Variants in ZSCAN26 observed in about 807,000 individuals in gnomAD.
The protein encoded by ZSCAN26 is zinc finger and SCAN domain-containing protein 26.
Under a neutral mutation model 23.0 loss-of-function variants are expected in ZSCAN26, and 26 were observed. That is an observed-to-expected ratio of 1.13 (90% CI 0.83 to 1.57). The LOEUF is 1.57. Among genes scored for constraint, ZSCAN26 ranks in the 40% most tolerant of loss-of-function variants. The probability of loss-of-function intolerance (pLI) is 0.00; values close to 1 mark genes in which losing one functional copy is unlikely to be tolerated. For missense variants in ZSCAN26, 528 were observed against 568.5 expected, an observed-to-expected ratio of 0.93 and a Z score of 0.72; for synonymous variants, 180 against 202.5, an observed-to-expected ratio of 0.89 and a Z score of 0.94.
intron 3 of ZSCAN26, among the ~76,000 whole-genome samples, chr6:28,274,651 G>A (rs532020812): frequency 6.6e-6 from 1 of 152,234 alleles, no homozygotes; most frequent in Non-Finnish European, 1.5e-5. Flanking sequence ...GAGGCAAGAG[G>A]ATTGCTTGAG....
At chr6:28,271,341 C>A (rs1415757716) in intron 1 of ZSCAN26, among the ~76,000 whole-genome samples, 2 of 152,136 alleles carry the variant, frequency 1.3e-5, no homozygotes, top group South Asian at 2.1e-4. Flanking sequence ...CCTTGTCTTT[C>A]ACTTGTCTTT....
At chr6:28,275,829 G>T (rs998733875) in intron 3 of ZSCAN26, among the ~76,000 whole-genome samples, 1 of 152,112 alleles carries the variant, frequency 6.6e-6, no homozygotes, top group Non-Finnish European at 1.5e-5. Context: ...GGCCCTGGGG[G>T]CCTCAATTAA....
chr6:28,276,925 C>G lies in ZSCAN26; in HGVS notation c.1269C>G (p.Phe423Leu), dbSNP rs1359698133. The G allele has an allele frequency of 5.0e-6, 8 of 1,613,904 alleles. No individual in the cohort carries two copies. The highest frequency in any genetic ancestry group is 5.9e-6 in the Non-Finnish European group (7 of 1,179,888). ...GAATTCATACTGGAGAAAAACCTTT[C>G]AAGTGTAACATATGCCAGAAAGCCT... ...HHRIHTGEKP[F>L]KCNICQKAFR... Residue 423 changes from phenylalanine (F) to leucine (L), a missense_variant, in exon 4 of 4, where the codon TTC (phenylalanine) becomes TTG (leucine). Physicochemically the swap from Phe to Leu is conservative, Grantham distance 22. Coordinates refer to ENST00000421553, the MANE Select transcript of ZSCAN26 (RefSeq NM_001023560.4).
At chr6:28,268,051 G>A (rs910219394) in intron 1 of ZSCAN26, among the ~76,000 whole-genome samples, 2 of 152,100 alleles carry the variant, frequency 1.3e-5, no homozygotes, top group Non-Finnish European at 2.9e-5. Context: ...GGGCCTGTGG[G>A]TGCAAGAGAT....
chr6:28,268,523 G>A (rs569335485), intron 1 of ZSCAN26, among the ~76,000 whole-genome samples: 1 of 152,268 alleles, frequency 6.6e-6, no homozygotes, highest in South Asian at 2.1e-4. Context: ...CACTGTTTGC[G>A]TGTGGAAAAT....
chr6:28,269,477 A>C (rs1761594569), intron 1 of ZSCAN26, among the ~76,000 whole-genome samples: 1 of 152,178 alleles, frequency 6.6e-6, no homozygotes, highest in Non-Finnish European at 1.5e-5. Flanking sequence ...GGCAAGTCTC[A>C]GTATCTTCAG....
rs1380586793 is a variant in ZSCAN26, at chr6:28,276,723, G to A, written c.1067G>A (p.Arg356Gln). Residue 356 changes from arginine to glutamine, a missense_variant, in exon 4 of 4, where the codon CGA becomes CAA. By Grantham distance (43) the Arg-to-Gln change is conservative. Coordinates refer to ENST00000421553, the MANE Select transcript of ZSCAN26 (RefSeq NM_001023560.4). Reference protein sequence around the residue: ...KNFRRSSHLNRHQRIHSQEEP... With the variant: ...KNFRRSSHLNQHQRIHSQEEP... ...TTTAGGCGCAGCTCTCACCTTAATC[G>A]ACATCAGAGAATTCACAGTCAGGAG... The A allele has an allele frequency of 1.1e-5, 18 of 1,613,474 alleles. No individual in the cohort carries two copies. Among genetic ancestry groups the A allele is most frequent in the Admixed American group, 5.0e-5 (3 of 59,938 alleles).
chr6:28,270,652 A>G (rs1037481482), intron 1 of ZSCAN26, among the ~76,000 whole-genome samples: 1 of 152,212 alleles, frequency 6.6e-6, no homozygotes, highest in African/African-American at 2.4e-5. Context: ...AAAAATACTT[A>G]TACTCTACAT....
At chr6:28,269,021 G>A (rs1761566874) in intron 1 of ZSCAN26, among the ~76,000 whole-genome samples, 1 of 151,948 alleles carries the variant, frequency 6.6e-6, no homozygotes, top group Non-Finnish European at 1.5e-5. Context: ...GCTGAGGGAG[G>A]AGAATCACTT....
At position 28,276,530 on chromosome 6, in the gene ZSCAN26, T is replaced by G; in HGVS notation, c.874T>G (p.Phe292Val). ...GHQCHECGKA[F>V]QRSSHLVRHQ... ...TCAGTGTCATGAGTGTGGGAAAGCC[T>G]TTCAGAGGAGTTCACACCTCGTCAG... Residue 292 changes from phenylalanine to valine, a missense_variant, in exon 4 of 4, where the codon TTT becomes GTT. Transcript: ENST00000421553. 1 of 1,613,794 alleles carries G rather than the reference T, an allele frequency of 6.2e-7. No homozygotes were observed. The highest frequency in any genetic ancestry group is 2.2e-5 in the East Asian group (1 of 44,882).
Position 28,277,212 on chromosome 6 carries a change from G to A in ZSCAN26, c.*116G>A. On this transcript the variant is annotated 3_prime_UTR_variant, in exon 4 of 4. Coordinates refer to ENST00000421553, the MANE Select transcript of ZSCAN26 (RefSeq NM_001023560.4). ...CAGAAAATTCTTGGGGGCTGAGTTG[G>A]AGGCTCCCTGCCTCTATTCTCTCTC... 1 of 1,021,918 alleles carries A rather than the reference G, an allele frequency of 9.8e-7. No homozygotes were observed. Among genetic ancestry groups the A allele is most frequent in the Non-Finnish European group, 1.4e-6 (1 of 701,110 alleles). 63.3% of individuals were successfully genotyped at this position (1,021,918 alleles called of 1,614,324 possible).
Position 28,272,187 on chromosome 6 carries a change from A to G in ZSCAN26, c.268A>G (p.Ile90Val). 1 of 1,614,052 alleles carries G rather than the reference A, an allele frequency of 6.2e-7. No individual in the cohort carries two copies. The highest frequency in any genetic ancestry group is 1.3e-5 in the African/African-American group (1 of 75,030). Reference protein sequence around the residue: ...LQPETHTKEQILELLVLEQFL... With the variant: ...LQPETHTKEQVLELLVLEQFL... ...GCCCGAGACCCATACCAAGGAGCAGATCCTGGAGCTGCTGGTGCTGGAGCA... is the reference window on the plus strand; with the variant it reads ...GCCCGAGACCCATACCAAGGAGCAGGTCCTGGAGCTGCTGGTGCTGGAGCA... Residue 90 changes from isoleucine (I) to valine (V), a missense_variant, in exon 2 of 4, where the codon ATC becomes GTC. Coordinates refer to ENST00000421553, the MANE Select transcript of ZSCAN26 (RefSeq NM_001023560.4).
rs754428219 is a variant in ZSCAN26 at position 28,276,850 on chromosome 6, C to T, written c.1194C>T (p.Asn398=). ...GTCACTCCAAAAGCCATCAATGTAA[C>T]GAGTGTGGAAAAGCTTTCAGTTTGA... ...IHSHSKSHQC[N]ECGKAFSLTS... Residue 398 remains asparagine, a synonymous_variant, in exon 4 of 4, where the codon AAC becomes AAT. Transcript: ENST00000421553. 7.4e-6 allele frequency: 12 copies of T among 1,613,930 alleles called. No individual in the cohort carries two copies. Among genetic ancestry groups the T allele is most frequent in the South Asian group, 4.4e-5 (4 of 91,084 alleles).
chr6:28,271,806 T>G, intron 1 of ZSCAN26, 48 bp from the exon 2 acceptor site: 1 of 918,744 alleles, frequency 1.1e-6, no homozygotes, highest in Non-Finnish European at 1.6e-6. Context: ...ACTGTTCTTG[T>G]TAGCAGTACT....
chr6:28,273,930 T>C (rs1036775501), intron 3 of ZSCAN26, among the ~76,000 whole-genome samples: 7 of 152,036 alleles, frequency 4.6e-5, no homozygotes, highest in African/African-American at 1.7e-4. Flanking sequence ...TCTGTTGCCC[T>C]GGCTGGTCTC....
At chr6:28,271,319 CT>C (rs1761673267) in intron 1 of ZSCAN26, among the ~76,000 whole-genome samples, 1 of 152,140 alleles carries the variant, frequency 6.6e-6, no homozygotes, top group Admixed American at 6.6e-5. Flanking sequence ...TCTGAAAAAA[CT>C]TTCTCTATTT....
intron 1 of ZSCAN26, among the ~76,000 whole-genome samples, chr6:28,268,474 C>T (rs1180652802): frequency 1.3e-5 from 2 of 152,222 alleles, no homozygotes; most frequent in East Asian, 3.9e-4. Flanking sequence ...ACAGGCATAG[C>T]AGGGACATAA....
rs1056414076 is a variant in ZSCAN26, at chr6:28,276,496, G to A, written c.840G>A (p.Glu280=). The A allele has an allele frequency of 6.2e-7, 1 of 1,613,874 alleles. No homozygotes were observed. Residue 280 remains glutamate, a synonymous_variant, in exon 4 of 4, where the codon GAG becomes GAA. Transcript: ENST00000421553. The part of the protein sequence containing the change: ...LTGHKKVLSR[E]KGHQCHECGK... ...GACATAAGAAAGTCCTCTCTAGAGA[G>A]AAAGGTCATCAGTGTCATGAGTGTG...
At chr6:28,270,104 C>T (rs1003579352) in intron 1 of ZSCAN26, among the ~76,000 whole-genome samples, 7 of 151,888 alleles carry the variant, frequency 4.6e-5, no homozygotes, top group Non-Finnish European at 8.8e-5. Flanking sequence ...CCACCACACC[C>T]GGCTCATTTT....
Sources: allele counts gnomAD v4.1 joint callset (sites outside exome capture counted in the v4.1 genomes callset), GRCh38; gene constraint gnomAD v4.1.1; transcripts MANE v1.5; gene names NCBI Gene and HGNC (gene_info 2026-07-23, HGNC 2026-07-21).